BEST3: variants seen among roughly 807,000 people sequenced by gnomAD.
BEST3 encodes the protein bestrophin 3, also known as bestrophin-3.
Under a neutral mutation model 47.1 loss-of-function variants are expected in BEST3, and 50 were observed. The observed-to-expected ratio is 1.06, with a 90% confidence interval of 0.85 to 1.34. The LOEUF (loss-of-function observed/expected upper bound fraction) is 1.34. BEST3 is among the 40% of genes most tolerant of loss of function. The probability of loss-of-function intolerance (pLI) is 0.00; values close to 1 mark genes in which losing one functional copy is unlikely to be tolerated. For synonymous variants in BEST3, 282 were observed against 298.8 expected (o/e 0.94, Z 0.58); for missense variants, 765 against 817.0 (o/e 0.94, Z 0.78).
chr12:69,660,465 T>G (rs1883805048), intron 9 of BEST3: 1 of 152,184 alleles, frequency 6.6e-6, no homozygotes, highest in Admixed American at 6.5e-5. Flanking sequence ...GATAGGGCAC[T>G]GGGTGGGTGA....
chr12:69,660,501 G>T (rs1883807313), intron 9 of BEST3: 1 of 152,224 alleles, frequency 6.6e-6, no homozygotes, highest in Non-Finnish European at 1.5e-5. Context: ...ACTGGAAGAA[G>T]CTGGGTTATT....
rs1883363324 is a variant in BEST3 at position 69,654,967 on chromosome 12, C to T, written c.1947G>A (p.Leu649=). The T allele has an allele frequency of 6.2e-7, 1 of 1,613,854 alleles. No homozygotes were observed. Among genetic ancestry groups the T allele is most frequent in the Non-Finnish European group, 8.5e-7 (1 of 1,179,978 alleles). The change falls in exon 10 of 10, where the codon CTG becomes CTA. Residue 649 remains leucine (L), a synonymous_variant. Transcript: ENST00000330891. The part of the protein sequence containing the change: ...SSDMLYLMEN[L]DTKETDIIEL... The stretch of plus-strand genomic sequence containing the variant: ...CTATGATATCTGTTTCCTTGGTGTC[C>T]AGGTTTTCCATTAAATACAGCATAT...
In BEST3 at chr12:69,655,057, A is replaced by G; in HGVS notation, c.1857T>C (p.Ile619=). 1 of 1,614,132 alleles carries G rather than the reference A, an allele frequency of 6.2e-7. No individual in the cohort carries two copies. The highest frequency in any genetic ancestry group is 8.5e-7 in the Non-Finnish European group (1 of 1,180,010). The change falls in exon 10 of 10, where the codon ATT becomes ATC. Residue 619 remains isoleucine, a synonymous_variant. Transcript: ENST00000330891. ...DPMSSQPALL[I]DTETSSEISG... Reference sequence around the variant, plus strand: ...TGATCTCTGAGGATGTTTCTGTGTCAATTAAAAGAGCTGGCTGAGAGCTCA... The same window carrying G: ...TGATCTCTGAGGATGTTTCTGTGTCGATTAAAAGAGCTGGCTGAGAGCTCA...
Position 69,655,338 on chromosome 12 carries a change from T to A in BEST3, c.1576A>T (p.Ile526Phe), listed in dbSNP as rs376818699. The A allele has an allele frequency of 6.2e-7, 1 of 1,614,038 alleles. No individual in the cohort carries two copies. Among genetic ancestry groups the A allele is most frequent in the South Asian group, 1.1e-5 (1 of 91,070 alleles). ...GGYHHDSATSILSSEFTGVQP... is the reference protein window; with the variant it reads ...GGYHHDSATSFLSSEFTGVQP... The stretch of plus-strand genomic sequence containing the variant: ...ACCCCTGTAAACTCAGAGCTCAAGA[T>A]GGAGGTAGCGGAATCATGGTGGTAG... Residue 526 changes from isoleucine to phenylalanine, a missense_variant, in exon 10 of 10, where the codon ATC (isoleucine) becomes TTC (phenylalanine). Ile to Phe is a conservative substitution (Grantham distance 21). Transcript: ENST00000330891.
intron 2 of BEST3, among the ~76,000 whole-genome samples, chr12:69,694,825 T>C (rs1481051675): frequency 6.6e-6 from 1 of 152,184 alleles, no homozygotes; most frequent in Non-Finnish European, 1.5e-5. Context: ...AAGAGTGTAT[T>C]ATTGATTAAG....
intron 4 of BEST3, among the ~76,000 whole-genome samples, chr12:69,691,742 A>G (rs1885933287): frequency 6.6e-6 from 1 of 152,190 alleles, no homozygotes; most frequent in Non-Finnish European, 1.5e-5. Flanking sequence ...CAGTGAGCCA[A>G]GATAGCGCCA....
At chr12:69,697,177 T>C (rs1483477772) in intron 2 of BEST3, among the ~76,000 whole-genome samples, 1 of 152,202 alleles carries the variant, frequency 6.6e-6, no homozygotes, top group African/African-American at 2.4e-5. Flanking sequence ...CTGGATAAGA[T>C]ATTTTCATTC....
intron 4 of BEST3, among the ~76,000 whole-genome samples, chr12:69,680,281 C>T (rs1885164851): frequency 7.0e-6 from 1 of 142,316 alleles, no homozygotes; most frequent in East Asian, 2.1e-4. Context: ...CAACAAGATG[C>T]ACTTTAAAAC....
At chr12:69,663,294 A>G (rs908033001) in intron 9 of BEST3, among the ~76,000 whole-genome samples, 3 of 152,208 alleles carry the variant, frequency 2.0e-5, no homozygotes, top group Non-Finnish European at 2.9e-5. Context: ...TTTTTTTTTA[A>G]AAATTATTTT....
In BEST3 at chr12:69,693,877, C is replaced by T; in HGVS notation, c.278G>A (p.Trp93Ter). Reference protein sequence around the residue: ...GFYVTLVVNRWWNQFVNLPWP... With the variant: ...GFYVTLVVNR ...GGGCAAATTCACAAACTGGTTCCAC[C>T]ATCGGTTCACTACCAGAGTAACATA... The change falls in exon 4 of 10, where the codon TGG becomes TAG. Residue 93 changes from tryptophan to a stop codon, truncating the protein, a stop_gained. Transcript: ENST00000330891. LOFTEE classifies it high-confidence loss of function. 1 of 1,612,080 alleles carries T rather than the reference C, an allele frequency of 6.2e-7. No individual in the cohort carries two copies. The highest frequency in any genetic ancestry group is 8.5e-7 in the Non-Finnish European group (1 of 1,178,992).
At position 69,653,926 on chromosome 12, in the gene BEST3, T is replaced by A; in HGVS notation, c.*981A>T. On this transcript the variant is annotated 3_prime_UTR_variant, in exon 10 of 10. Coordinates refer to ENST00000330891, the MANE Select transcript of BEST3 (RefSeq NM_032735.3). ...AACAGATGTGAGTCATCTTATTCTTTGGTTCCATAGCATTTGGCTATGCAA... is the reference window on the plus strand; with the variant it reads ...AACAGATGTGAGTCATCTTATTCTTAGGTTCCATAGCATTTGGCTATGCAA... 1 of 985,470 alleles carries A rather than the reference T, an allele frequency of 1.0e-6. No homozygotes were observed. Among genetic ancestry groups the A allele is most frequent in the South Asian group, 4.7e-5 (1 of 21,286 alleles). 61.0% of individuals were successfully genotyped at this position (985,470 alleles called of 1,614,324 possible).
intron 4 of BEST3, chr12:69,684,418 T>G (rs1230928632): frequency 2.1e-6 from 1 of 467,136 alleles, no homozygotes; most frequent in Non-Finnish European, 4.0e-6. Context: ...TTACATCCAT[T>G]GATAGACAAA....
chr12:69,686,405 A>G (rs1411178938), intron 4 of BEST3, among the ~76,000 whole-genome samples: 2 of 152,184 alleles, frequency 1.3e-5, no homozygotes, highest in Non-Finnish European at 1.5e-5. Context: ...TTTGAATAAT[A>G]TTATTGTTTT....
intron 9 of BEST3, among the ~76,000 whole-genome samples, chr12:69,663,292 T>C (rs570518340): frequency 6.6e-6 from 1 of 152,220 alleles, no homozygotes; most frequent in African/African-American, 2.4e-5. Context: ...CATTTTTTTT[T>C]AAAAATTATT....
Position 69,680,934 on chromosome 12 carries a change from CATTA to C in BEST3, c.482-2045_482-2042del, listed in dbSNP as rs1355652413. Among the ~76,000 whole-genome samples the C allele has an allele frequency of 3.7e-5, 5 of 135,138 alleles. No individual in the cohort carries two copies. In the East Asian group the frequency reaches 7.9e-4, roughly 21 times the overall value. 88.7% of individuals were successfully genotyped at this position (135,138 alleles called of 152,430 possible). A position where few individuals can be genotyped will look rare whatever the true frequency, so the allele number is the denominator to read the frequency against. On this transcript the variant is annotated intron_variant, in intron 4 of 9. Transcript: ENST00000330891. ...TTAATGGCTGCTCTCTATATATTAA[CATTA>C]ATTAATAGTTAATAGTATATAATAT...
intron 4 of BEST3, among the ~76,000 whole-genome samples, chr12:69,690,535 T>C (rs1196246211): frequency 6.6e-6 from 1 of 152,224 alleles, no homozygotes; most frequent in East Asian, 1.9e-4. Context: ...CCAACCTGGC[T>C]TCTTCCTGGT....
chr12:69,649,401 A>G (rs1333423386), downstream of BEST3, among the ~76,000 whole-genome samples: 1 of 152,254 alleles, frequency 6.6e-6, no homozygotes, highest in Non-Finnish European at 1.5e-5. Flanking sequence ...GAATCTAAGC[A>G]TGAACCTCGG....
At chr12:69,656,062 T>A (rs938591110) in intron 9 of BEST3, among the ~76,000 whole-genome samples, 9 of 152,216 alleles carry the variant, frequency 5.9e-5, no homozygotes, top group Admixed American at 6.5e-5. Context: ...TACTCTTTAC[T>A]GTATTTAAAA....
intron 5 of BEST3, 107 bp from the exon 6 acceptor site, chr12:69,677,364 G>A: frequency 2.0e-6 from 2 of 1,013,098 alleles, no homozygotes; most frequent in Non-Finnish European, 3.0e-6. Context: ...CTGACTGTAA[G>A]GCTAGTAAAC....
Sources: allele counts gnomAD v4.1 joint callset (sites outside exome capture counted in the v4.1 genomes callset), GRCh38; gene constraint gnomAD v4.1.1; transcripts MANE v1.5; gene names NCBI Gene and HGNC (gene_info 2026-07-23, HGNC 2026-07-21).